HEPACAM2: variants seen among roughly 807,000 people sequenced by gnomAD.
The protein encoded by HEPACAM2 is mitotic kinetics regulator.
In HEPACAM2, 49 loss-of-function variants were observed where a neutral mutation model predicts 49.6. The ratio of observed to expected loss-of-function variants is 0.99; its 90% CI spans 0.78 to 1.25. The LOEUF is 1.25. HEPACAM2 is among the 50% of genes most tolerant of loss of function. HEPACAM2 has a pLI of 0.00. For synonymous variants in HEPACAM2, 197 were observed against 202.9 expected (o/e 0.97, Z 0.25); for missense variants, 525 against 557.2 (o/e 0.94, Z 0.58).
chr7:93,223,128 T>G (rs1027785322), intron 1 of HEPACAM2, among the ~76,000 whole-genome samples: 16 of 152,230 alleles, frequency 1.1e-4, no homozygotes, highest in African/African-American at 3.6e-4. Flanking sequence ...TGAGAAGGTC[T>G]GAATGGATTC....
Position 93,196,483 on chromosome 7 carries a change from T to G in HEPACAM2, c.1202-582A>C, listed in dbSNP as rs548418700. 3.3e-5 allele frequency among the ~76,000 whole-genome samples: 5 copies of G among 152,264 alleles called. No homozygotes were observed. The South Asian group carries it at 1.0e-3, about 32-fold the overall frequency. ...CTTGCCAGCTCTGACATTCTGTCACTTATAAGTCAGGAAGGGCTAGAAAAG... is the reference window on the plus strand; with the variant it reads ...CTTGCCAGCTCTGACATTCTGTCACGTATAAGTCAGGAAGGGCTAGAAAAG... On this transcript the variant is annotated intron_variant, in intron 7 of 9. Transcript: ENST00000394468.
intron 8 of HEPACAM2, among the ~76,000 whole-genome samples, chr7:93,193,649 G>A (rs1338654151): frequency 6.6e-6 from 1 of 152,034 alleles, no homozygotes; most frequent in Non-Finnish European, 1.5e-5. Context: ...ATGTTACTCA[G>A]GTTGGTCTTG....
At chr7:93,198,316 C>G (rs1209169913) in intron 4 of HEPACAM2, among the ~76,000 whole-genome samples, 3 of 152,030 alleles carry the variant, frequency 2.0e-5, no homozygotes, top group Non-Finnish European at 4.4e-5. Flanking sequence ...TACATATTAA[C>G]TCACTGAATC....
upstream of HEPACAM2, among the ~76,000 whole-genome samples, chr7:93,229,958 C>T (rs77980597): frequency 0.071 from 10,871 of 152,066 alleles, 489 homozygotes; most frequent in Non-Finnish European, 0.1. Context: ...TATTTAGACA[C>T]CAGCGCTGAT....
chr7:93,213,330 A>G (rs1794224175), intron 3 of HEPACAM2, among the ~76,000 whole-genome samples: 1 of 151,976 alleles, frequency 6.6e-6, no homozygotes, highest in Middle Eastern at 3.2e-3. Flanking sequence ...TGACATCACA[A>G]CCTCATAAGT....
intron 1 of HEPACAM2, 75 bp downstream of exon 1, chr7:93,226,293 A>C: frequency 9.0e-7 from 1 of 1,106,134 alleles, no homozygotes; most frequent in Non-Finnish European, 1.4e-6. Flanking sequence ...CCTAAAGCAA[A>C]TATTTACCTT....
upstream of HEPACAM2, among the ~76,000 whole-genome samples, chr7:93,229,973 T>G (rs1441879364): frequency 6.6e-6 from 1 of 152,226 alleles, no homozygotes; most frequent in East Asian, 1.9e-4. Context: ...GCTGATTTAC[T>G]TTACAAGCTT....
At chr7:93,192,628 G>A (rs1793583780) in intron 8 of HEPACAM2, among the ~76,000 whole-genome samples, 1 of 151,984 alleles carries the variant, frequency 6.6e-6, no homozygotes, top group African/African-American at 2.4e-5. Context: ...AAAGCTGGCA[G>A]TACTGTAAAG....
upstream of HEPACAM2, chr7:93,226,489 T>C (rs1465063620): frequency 1.9e-5 from 28 of 1,471,644 alleles, no homozygotes; most frequent in Admixed American, 4.8e-4. Flanking sequence ...GACCAGCAGC[T>C]GCTGGTTTAT....
intron 2 of HEPACAM2, among the ~76,000 whole-genome samples, chr7:93,218,376 G>T (rs958634612): frequency 6.6e-6 from 1 of 152,054 alleles, no homozygotes; most frequent in East Asian, 1.9e-4. Flanking sequence ...GTTGGATTTT[G>T]TCTATATTTT....
chr7:93,204,650 C>T (rs924794279), intron 4 of HEPACAM2, among the ~76,000 whole-genome samples: 1 of 151,980 alleles, frequency 6.6e-6, no homozygotes, highest in African/African-American at 2.4e-5. Flanking sequence ...ACGTACATAG[C>T]ATTAAATTAG....
At chr7:93,222,901 G>GAC (rs1794476894) in intron 1 of HEPACAM2, among the ~76,000 whole-genome samples, 1 of 152,112 alleles carries the variant, frequency 6.6e-6, no homozygotes, top group Non-Finnish European at 1.5e-5. Context: ...CCAGTTTTTG[G>GAC]TTCATATATT....
In HEPACAM2 at chr7:93,210,556, A is replaced by G. The variant is rs1159955435; in HGVS notation, c.716-1680T>C. Among the ~76,000 whole-genome samples the G allele has an allele frequency of 1.3e-5, 2 of 151,896 alleles. 1 individual carries two copies. Among genetic ancestry groups the G allele is most frequent in the Non-Finnish European group, 2.9e-5 (2 of 67,906 alleles). On this transcript the variant is annotated intron_variant, in intron 3 of 9. Coordinates refer to ENST00000394468, the MANE Select transcript of HEPACAM2 (RefSeq NM_001039372.4). ...ATTATATATTAATATTAATTCTGTA[A>G]TCATCCAATCAAGTAATAAATATTT...
intron 4 of HEPACAM2, among the ~76,000 whole-genome samples, chr7:93,199,370 G>A (rs186003792): frequency 1.3e-5 from 2 of 152,156 alleles, no homozygotes; most frequent in East Asian, 3.9e-4. Flanking sequence ...ATAAAAAGTT[G>A]TAGAATAATT....
intron 4 of HEPACAM2, among the ~76,000 whole-genome samples, chr7:93,207,418 C>CCT (rs1794056889): frequency 6.7e-6 from 1 of 149,082 alleles, no homozygotes; most frequent in African/African-American, 2.5e-5. Flanking sequence ...TAGAAGTAGT[C>CCT]ATAGAAGAGG....
rs149413032 is a variant in HEPACAM2 at position 93,203,826 on chromosome 7, A to G, written c.1012+4754T>C. Among the ~76,000 whole-genome samples, 601 of 152,186 alleles carry G rather than the reference A, an allele frequency of 3.9e-3. 4 individuals are homozygous for G. Among genetic ancestry groups the G allele is most frequent in the Middle Eastern group, 0.024 (7 of 294 alleles). On this transcript the variant is annotated intron_variant, in intron 4 of 9. Transcript: ENST00000394468. ...TCTCTCTCATCCAATCTGTTCACTG[A>G]TTATGGCAGCTGACTCATGTCCCTC...
At chr7:93,199,721 C>T (rs1054311613) in intron 4 of HEPACAM2, among the ~76,000 whole-genome samples, 33 of 152,120 alleles carry the variant, frequency 2.2e-4, no homozygotes, top group Admixed American at 1.4e-3. Flanking sequence ...AAAAATTGCA[C>T]ATATATATGT....
chr7:93,196,514 G>T (rs1324323096), intron 7 of HEPACAM2, among the ~76,000 whole-genome samples: 1 of 152,096 alleles, frequency 6.6e-6, no homozygotes, highest in Non-Finnish European at 1.5e-5. Flanking sequence ...AAAAGAGGAA[G>T]AAGGCCCACA....
chr7:93,208,371 G>A (rs1482281029), intron 4 of HEPACAM2, among the ~76,000 whole-genome samples: 7 of 151,926 alleles, frequency 4.6e-5, no homozygotes, highest in Non-Finnish European at 1.0e-4. Context: ...CTTCACAATT[G>A]AATTGAATTT....
Sources: allele counts gnomAD v4.1 joint callset (sites outside exome capture counted in the v4.1 genomes callset), GRCh38; gene constraint gnomAD v4.1.1; transcripts MANE v1.5; gene names NCBI Gene and HGNC (gene_info 2026-07-23, HGNC 2026-07-21).